SREBF2: variants seen among roughly 807,000 people sequenced by gnomAD.
SREBF2 encodes sterol regulatory element-binding protein 2.
A neutral mutation model predicts 113.1 loss-of-function variants in SREBF2; 55 were observed. That is an observed-to-expected ratio of 0.49 (90% CI 0.39 to 0.61). The LOEUF (loss-of-function observed/expected upper bound fraction) is 0.61. Among genes scored for constraint, SREBF2 ranks in the 20% least tolerant of loss-of-function variants. SREBF2 has a pLI of 0.00. For missense variants in SREBF2, 1,349 were observed against 1,487.4 expected, an observed-to-expected ratio of 0.91 and a Z score of 1.53; for synonymous variants, 593 against 605.7, an observed-to-expected ratio of 0.98 and a Z score of 0.31.
intron 11 of SREBF2, among the ~76,000 whole-genome samples, chr22:41,892,378 G>A (rs1172659372): frequency 7.2e-5 from 11 of 151,998 alleles, no homozygotes; most frequent in South Asian, 2.1e-4. Flanking sequence ...GGCCAGGCAC[G>A]GTGGCTCACG....
intron 4 of SREBF2, 139 bp from the exon 5 acceptor site, chr22:41,873,659 T>G: frequency 1.2e-6 from 1 of 845,768 alleles, no homozygotes; most frequent in Non-Finnish European, 1.9e-6. Flanking sequence ...CTGATTTGAT[T>G]AACCCAGGAA....
At chr22:41,866,680 G>A in intron 1 of SREBF2, 151 bp from the exon 2 acceptor site, 1 of 894,802 alleles carries the variant, frequency 1.1e-6, no homozygotes, top group South Asian at 1.4e-5. Flanking sequence ...TGGCCCAGAT[G>A]ATCCCCACAA....
chr22:41,845,327 G>T (rs1333523231), intron 1 of SREBF2, among the ~76,000 whole-genome samples: 1 of 152,156 alleles, frequency 6.6e-6, no homozygotes, highest in African/African-American at 2.4e-5. Context: ...TGATGACGGG[G>T]AATGAACTTG....
rs763276858 is a variant in SREBF2 at position 41,870,990 on chromosome 22, C to T, written c.822C>T (p.Leu274=). The change falls in exon 4 of 19, where the codon CTC becomes CTT. Residue 274 remains leucine, a synonymous_variant. Coordinates refer to ENST00000361204, the MANE Select transcript of SREBF2 (RefSeq NM_004599.4). ...PVMAAVQNPA[L]TALTTPIQTA... is the part of the protein sequence containing the mutation. The stretch of plus-strand genomic sequence containing the variant: ...TGGCTGCGGTCCAGAACCCGGCCCT[C>T]ACCGCCCTCACCACCCCTATCCAGA... 12 of 1,613,876 alleles carry T rather than the reference C, an allele frequency of 7.4e-6. No individual in the cohort carries two copies. In the Admixed American group the frequency reaches 2.0e-4, roughly 27 times the overall value.
chr22:41,905,628 C>CT lies in SREBF2; in HGVS notation c.3395dup (p.Gly1134TrpfsTer33). ...CGACTGCCAGCAGATGATTGTTAAG[C>CT]TGGGTGGTGGCACTGCCATTGCCGC... On this transcript the variant is annotated frameshift_variant, in exon 19 of 19. Coordinates refer to ENST00000361204, the MANE Select transcript of SREBF2 (RefSeq NM_004599.4). LOFTEE classifies it high-confidence loss of function. 1 of 1,595,610 alleles carries CT rather than the reference C, an allele frequency of 6.3e-7. No individual in the cohort carries two copies. Among genetic ancestry groups the CT allele is most frequent in the Non-Finnish European group, 8.5e-7 (1 of 1,172,020 alleles).
intron 1 of SREBF2, among the ~76,000 whole-genome samples, chr22:41,849,383 G>T (rs1356590166): frequency 6.6e-6 from 1 of 151,940 alleles, no homozygotes; most frequent in African/African-American, 2.4e-5. Context: ...GAGAAATGGG[G>T]TTTCACCATG....
At chr22:41,901,315 G>A (rs1602350858) in intron 16 of SREBF2, among the ~76,000 whole-genome samples, 1 of 152,158 alleles carries the variant, frequency 6.6e-6, no homozygotes. Flanking sequence ...TGGGCACTGG[G>A]ATGAACCCAG....
chr22:41,890,007 G>A (rs191886431), intron 11 of SREBF2, among the ~76,000 whole-genome samples: 1 of 151,850 alleles, frequency 6.6e-6, no homozygotes, highest in African/African-American at 2.4e-5. Flanking sequence ...GAAAGAAAGA[G>A]AGAGAATATT....
At chr22:41,900,901 C>G (rs1488737843) in intron 16 of SREBF2, 4 of 529,564 alleles carry the variant, frequency 7.6e-6, no homozygotes, top group Non-Finnish European at 1.2e-5. Context: ...TGAAGACCAC[C>G]CTGGGCACCT....
intron 14 of SREBF2, among the ~76,000 whole-genome samples, chr22:41,898,180 G>A (rs1389756270): frequency 6.6e-6 from 1 of 152,032 alleles, no homozygotes; most frequent in Non-Finnish European, 1.5e-5. Context: ...GCACGATCTC[G>A]GCTCACTGCA....
chr22:41,865,742 G>A (rs537513824), intron 1 of SREBF2, among the ~76,000 whole-genome samples: 1 of 152,294 alleles, frequency 6.6e-6, no homozygotes, highest in South Asian at 2.1e-4. Flanking sequence ...ACGGAGTTCA[G>A]GGTGGGGCAG....
In SREBF2 at chr22:41,833,364, T is replaced by A; in HGVS notation, c.88+6T>A. 1 of 319,272 alleles carries A rather than the reference T, an allele frequency of 3.1e-6. No homozygotes were observed. Among genetic ancestry groups the A allele is most frequent in the Non-Finnish European group, 6.3e-6 (1 of 159,162 alleles). 19.8% of individuals were successfully genotyped at this position (319,272 alleles called of 1,614,324 possible). ...GACCCTGGGAGACATCGACGGTGAG[T>A]GGTGGGTGGGTGGGAGTGCGGGGGC... On this transcript the variant is annotated splice_donor_region_variant and intron_variant, in intron 1 of 18. Coordinates refer to ENST00000361204, the MANE Select transcript of SREBF2 (RefSeq NM_004599.4). The surrounding 1 kb of genome is among the most constrained non-coding windows in gnomAD (Gnocchi z 4.1).
At position 41,900,397 on chromosome 22, in the gene SREBF2, G is replaced by A; in HGVS notation, c.2806G>A (p.Asp936Asn). ...AMHASLPGKA[D>N]GQQSSFCHCE... ...GCATGCCTCACTCCCTGGGAAAGCA[G>A]ATGGGCAGCAGAGTTCCTTCTGCCA... Residue 936 changes from aspartate (D) to asparagine (N), a missense_variant, in exon 16 of 19, where the codon GAT becomes AAT. This residue lies in a region of SREBF2 where 650 missense variants were observed against 644.1 expected (regional missense o/e 1.01). Transcript: ENST00000361204. 1 of 1,613,926 alleles carries A rather than the reference G, an allele frequency of 6.2e-7. No homozygotes were observed.
In SREBF2 at chr22:41,847,517, G is replaced by A. The variant is rs182423456; in HGVS notation, c.88+14159G>A. ...CTTGGGGCATTCACTCTACTCATTCGTGAATGAAGCACTTACTGAGCACCT... is the reference window on the plus strand; with the variant it reads ...CTTGGGGCATTCACTCTACTCATTCATGAATGAAGCACTTACTGAGCACCT... On this transcript the variant is annotated intron_variant, in intron 1 of 18. Coordinates refer to ENST00000361204, the MANE Select transcript of SREBF2 (RefSeq NM_004599.4). 1.1e-4 allele frequency among the ~76,000 whole-genome samples: 16 copies of A among 152,336 alleles called. No homozygotes were observed. In the East Asian group the frequency reaches 1.9e-3, roughly 18 times the overall value.
At chr22:41,861,784 G>T (rs963332807) in intron 1 of SREBF2, among the ~76,000 whole-genome samples, 1 of 151,946 alleles carries the variant, frequency 6.6e-6, no homozygotes, top group Non-Finnish European at 1.5e-5. Flanking sequence ...TTAGCAGGGC[G>T]TGGTGGTGTG....
At chr22:41,895,361 G>A (rs1458324480) in intron 13 of SREBF2, among the ~76,000 whole-genome samples, 5 of 150,694 alleles carry the variant, frequency 3.3e-5, no homozygotes, top group Admixed American at 6.6e-5. Flanking sequence ...GGATGGTCTC[G>A]ACCTCGTGAT....
intron 17 of SREBF2, among the ~76,000 whole-genome samples, chr22:41,904,000 A>G (rs1047822905): frequency 6.6e-6 from 1 of 152,020 alleles, no homozygotes; most frequent in African/African-American, 2.4e-5. Context: ...CCTGGAGCCC[A>G]CTCTGGTCAG....
At chr22:41,865,273 T>G (rs2148373995) in intron 1 of SREBF2, among the ~76,000 whole-genome samples, 1 of 152,106 alleles carries the variant, frequency 6.6e-6, no homozygotes, top group South Asian at 2.1e-4. Flanking sequence ...GTTGTTTTGG[T>G]GTCTAAATCA....
intron 11 of SREBF2, among the ~76,000 whole-genome samples, chr22:41,886,991 G>A (rs1412410737): frequency 2.0e-5 from 3 of 152,126 alleles, no homozygotes; most frequent in Admixed American, 6.5e-5. Flanking sequence ...CGGAGATCAC[G>A]CCATTGCACT....
Sources: allele counts gnomAD v4.1 joint callset (sites outside exome capture counted in the v4.1 genomes callset), GRCh38; gene constraint gnomAD v4.1.1; regional missense constraint gnomAD v4.1.1; non-coding constraint Gnocchi (gnomAD v3.1); transcripts MANE v1.5; gene names NCBI Gene and HGNC (gene_info 2026-07-23, HGNC 2026-07-21).